The following DCC variants were observed in gnomAD, a reference collection of about 807,000 sequenced individuals.
The protein encoded by DCC is netrin receptor DCC.
In DCC, 58 loss-of-function variants were observed where a neutral mutation model predicts 172.5. The observed-to-expected ratio is 0.34, with a 90% CI of 0.27 to 0.42. The LOEUF (loss-of-function observed/expected upper bound fraction) is 0.42, where lower values mean the gene tolerates loss of function less well. Ranked by LOEUF, DCC falls within the 10% of genes least tolerant of loss-of-function variation. DCC has a pLI of 1.00. For missense variants in DCC, 1,740 were observed against 1,791.0 expected (o/e 0.97, Z 0.51); for synonymous variants, 709 against 644.5 (o/e 1.10, Z -1.52).
At chr18:52,348,029 A>G (rs1983955289) in intron 1 of DCC, among the ~76,000 whole-genome samples, 1 of 152,138 alleles carries the variant, frequency 6.6e-6, no homozygotes, top group South Asian at 2.1e-4. Flanking sequence ...ATATGTATAC[A>G]TCTTTAACAT....
At chr18:52,993,766 G>A (rs1262290613) in intron 5 of DCC, among the ~76,000 whole-genome samples, 2 of 151,912 alleles carry the variant, frequency 1.3e-5, no homozygotes, top group African/African-American at 2.4e-5. Context: ...TACTTTGCGG[G>A]AATAAGTAAC....
chr18:52,917,302 G>A (rs1323612248), intron 3 of DCC, among the ~76,000 whole-genome samples: 1 of 152,098 alleles, frequency 6.6e-6, no homozygotes, highest in East Asian at 1.9e-4. Context: ...CTGGGCAACA[G>A]AGCGAGACAG....
At chr18:52,955,528 T>G (rs1323753414) in intron 5 of DCC, among the ~76,000 whole-genome samples, 1 of 152,124 alleles carries the variant, frequency 6.6e-6, no homozygotes, top group Non-Finnish European at 1.5e-5. Flanking sequence ...TAGATTTTTG[T>G]GGGCATACAT....
intron 5 of DCC, among the ~76,000 whole-genome samples, chr18:53,029,835 C>T (rs1427167360): frequency 1.3e-5 from 2 of 152,052 alleles, no homozygotes; most frequent in Non-Finnish European, 2.9e-5. Flanking sequence ...CATCATCATT[C>T]GTCATCATCT....
chr18:52,407,076 T>A (rs942198468), intron 1 of DCC, among the ~76,000 whole-genome samples: 2 of 152,106 alleles, frequency 1.3e-5, no homozygotes, highest in Admixed American at 1.3e-4. Flanking sequence ...CTCTCCATAA[T>A]CTTTTCCTGT....
intron 1 of DCC, among the ~76,000 whole-genome samples, chr18:52,732,508 G>T (rs1410434177): frequency 6.6e-6 from 1 of 152,084 alleles, no homozygotes; most frequent in Non-Finnish European, 1.5e-5. Flanking sequence ...CAGGGGGCAG[G>T]GTGGGAATAT....
rs2056921867 is a variant in DCC, at chr18:53,285,202, T to C, written c.1912-20376T>C. On this transcript the variant is annotated intron_variant, in intron 12 of 28. Transcript: ENST00000442544. ...AGCTGAATGTTAATCCCCAAAGCAA[T>C]AGGGAAAATGTCTCCAACGCATGCC... 2.6e-5 allele frequency among the ~76,000 whole-genome samples: 4 copies of C among 152,186 alleles called. No individual in the cohort carries two copies. In the Middle Eastern group the frequency reaches 0.01, roughly 388 times the overall value.
chr18:53,138,372 T>C (rs2043778654), intron 7 of DCC, among the ~76,000 whole-genome samples: 1 of 152,202 alleles, frequency 6.6e-6, no homozygotes, highest in Admixed American at 6.5e-5. Flanking sequence ...ATTTTAATAA[T>C]TAGCTATTCA....
intron 2 of DCC, among the ~76,000 whole-genome samples, chr18:52,800,524 A>G (rs1011185322): frequency 6.6e-6 from 1 of 152,170 alleles, no homozygotes; most frequent in Non-Finnish European, 1.5e-5. Flanking sequence ...CGATGATAAT[A>G]TGTCTGGCAG....
intron 11 of DCC, among the ~76,000 whole-genome samples, chr18:53,208,262 A>G (rs894825430): frequency 1.3e-5 from 2 of 151,914 alleles, no homozygotes; most frequent in African/African-American, 4.8e-5. Flanking sequence ...GCAACAGAGT[A>G]AGACCCTTTC....
intron 8 of DCC, among the ~76,000 whole-genome samples, chr18:53,163,838 C>T (rs1438209993): frequency 6.6e-6 from 1 of 152,128 alleles, no homozygotes; most frequent in African/African-American, 2.4e-5. Context: ...CATTCAGAGA[C>T]CAATGATCAG....
intron 12 of DCC, among the ~76,000 whole-genome samples, chr18:53,285,479 G>A (rs1206744007): frequency 6.6e-6 from 1 of 152,220 alleles, no homozygotes; most frequent in Admixed American, 6.5e-5. Context: ...CAAGAATTAA[G>A]GTTTGGGAAC....
intron 2 of DCC, among the ~76,000 whole-genome samples, chr18:52,765,089 T>A (rs1325392088): frequency 6.6e-6 from 1 of 151,616 alleles, no homozygotes; most frequent in East Asian, 1.9e-4. Flanking sequence ...AGTGCAGTGA[T>A]GTGATCTCAG....
rs541954789 is a variant in DCC at position 52,530,759 on chromosome 18, A to G, written c.91+189881A>G. Among the ~76,000 whole-genome samples, 9 of 152,332 alleles carry G rather than the reference A, an allele frequency of 5.9e-5. 1 individual carries two copies. The South Asian group carries it at 1.7e-3, about 28-fold the overall frequency. On this transcript the variant is annotated intron_variant, in intron 1 of 28. Transcript: ENST00000442544. Reference sequence around the variant, plus strand: ...AAAAACATATTCAGAACACTGTGCTAGGTAATGGAAAAGTCCTAAGACACC... The same window carrying G: ...AAAAACATATTCAGAACACTGTGCTGGGTAATGGAAAAGTCCTAAGACACC...
chr18:53,189,620 A>T (rs2055336467), intron 9 of DCC, among the ~76,000 whole-genome samples: 1 of 152,220 alleles, frequency 6.6e-6, no homozygotes, highest in Non-Finnish European at 1.5e-5. Flanking sequence ...ATTAACAGAC[A>T]TCCCTAGTGT....
chr18:52,376,389 G>A (rs1246735033), intron 1 of DCC, among the ~76,000 whole-genome samples: 1 of 152,156 alleles, frequency 6.6e-6, no homozygotes, highest in East Asian at 1.9e-4. Flanking sequence ...GAGGAGGAGG[G>A]AGGGGTTAGT....
intron 12 of DCC, among the ~76,000 whole-genome samples, chr18:53,251,923 G>T (rs1480336274): frequency 6.6e-6 from 1 of 151,796 alleles, no homozygotes; most frequent in Admixed American, 6.6e-5. Flanking sequence ...TATTTCCAGG[G>T]TGTTGCCACT....
intron 27 of DCC, among the ~76,000 whole-genome samples, chr18:53,502,595 TAA>T (rs2046117124): frequency 6.6e-6 from 1 of 152,196 alleles, no homozygotes; most frequent in South Asian, 2.1e-4. Flanking sequence ...ATTGATGAAG[TAA>T]AGTCATTCTC....
intron 1 of DCC, among the ~76,000 whole-genome samples, chr18:52,498,958 G>A (rs2030912118): frequency 6.6e-6 from 1 of 152,150 alleles, no homozygotes; most frequent in Admixed American, 6.6e-5. Flanking sequence ...ACTGGAGGGT[G>A]AGGAGGCACA....
Sources: gnomAD v4.1 joint callset for allele counts (sites outside exome capture counted in the v4.1 genomes callset) on GRCh38, gnomAD v4.1.1 for gene constraint, MANE v1.5 for transcripts, NCBI Gene and HGNC (gene_info 2026-07-23, HGNC 2026-07-21) for gene names.